Variants in SGCZ observed in about 807,000 individuals in gnomAD.
SGCZ encodes the protein zeta-sarcoglycan.
A neutral mutation model predicts 41.3 loss-of-function variants in SGCZ; 40 were observed. The ratio of observed to expected loss-of-function variants is 0.97; its 90% confidence interval spans 0.75 to 1.26. SGCZ has a LOEUF of 1.26. Ranked by LOEUF, SGCZ falls within the 50% of genes most tolerant of loss-of-function variation. The probability of loss-of-function intolerance (pLI) is 0.00; values close to 1 mark genes in which losing one functional copy is unlikely to be tolerated. For synonymous variants in SGCZ, 206 were observed against 137.5 expected, an observed-to-expected ratio of 1.50 and a Z score of -3.49; for missense variants, 552 against 369.8, an observed-to-expected ratio of 1.49 and a Z score of -4.04.
At chr8:14,291,821 T>C (rs1320977470) in intron 3 of SGCZ, among the ~76,000 whole-genome samples, 1 of 151,944 alleles carries the variant, frequency 6.6e-6, no homozygotes, top group Non-Finnish European at 1.5e-5. Context: ...TCAAAGTTGT[T>C]TTCTCATGAA....
intron 2 of SGCZ, among the ~76,000 whole-genome samples, chr8:14,407,720 T>C (rs1799249965): frequency 6.6e-6 from 1 of 152,134 alleles, no homozygotes; most frequent in South Asian, 2.1e-4. Flanking sequence ...AGATTCCCAT[T>C]TGTTGTGAAA....
At chr8:14,669,479 T>C (rs184291401) in intron 1 of SGCZ, among the ~76,000 whole-genome samples, 8 of 152,262 alleles carry the variant, frequency 5.3e-5, no homozygotes, top group Non-Finnish European at 7.4e-5. Context: ...CTACCCATTT[T>C]CCTTGCCCCT....
chr8:14,855,251 T>C (rs1342162391), intron 1 of SGCZ, among the ~76,000 whole-genome samples: 4 of 151,984 alleles, frequency 2.6e-5, no homozygotes, highest in African/African-American at 9.7e-5. Context: ...AATTTCACCA[T>C]GTTGGCCAGG....
At chr8:14,248,704 A>C (rs1380723955) in intron 3 of SGCZ, among the ~76,000 whole-genome samples, 1 of 152,042 alleles carries the variant, frequency 6.6e-6, no homozygotes, top group African/African-American at 2.4e-5. Context: ...TATTTTCCAC[A>C]GATATATTTT....
chr8:14,458,330 T>C (rs1180837184), intron 2 of SGCZ, among the ~76,000 whole-genome samples: 1 of 152,210 alleles, frequency 6.6e-6, no homozygotes, highest in African/African-American at 2.4e-5. Context: ...TACTTTTTAC[T>C]GGATATCATA....
chr8:14,913,780 T>A (rs983083507), intron 1 of SGCZ, among the ~76,000 whole-genome samples: 1 of 152,082 alleles, frequency 6.6e-6, no homozygotes, highest in Non-Finnish European at 1.5e-5. Flanking sequence ...CAAATCAATG[T>A]AGGAAAATGG....
intron 2 of SGCZ, among the ~76,000 whole-genome samples, chr8:14,474,682 C>A (rs1300544232): frequency 6.6e-6 from 1 of 152,186 alleles, no homozygotes; most frequent in African/African-American, 2.4e-5. Flanking sequence ...AAATTATCCT[C>A]CAAACAACTT....
chr8:14,926,557 G>C (rs1352453248), intron 1 of SGCZ, among the ~76,000 whole-genome samples: 1 of 151,852 alleles, frequency 6.6e-6, no homozygotes, highest in South Asian at 2.1e-4. Flanking sequence ...GATTTCTTGG[G>C]GTTATATATT....
intron 5 of SGCZ, among the ~76,000 whole-genome samples, chr8:14,115,878 A>G (rs1417753710): frequency 2.0e-5 from 3 of 151,940 alleles, no homozygotes; most frequent in African/African-American, 7.2e-5. Context: ...ACCACTATTT[A>G]GATTACTTTC....
At chr8:14,177,770 C>T (rs1292385094) in intron 4 of SGCZ, among the ~76,000 whole-genome samples, 3 of 146,798 alleles carry the variant, frequency 2.0e-5, no homozygotes, top group East Asian at 2.0e-4. Context: ...GTGATCCATT[C>T]GCCTCAGCCT....
intron 2 of SGCZ, among the ~76,000 whole-genome samples, chr8:14,516,078 G>T (rs746962794): frequency 6.6e-6 from 1 of 151,724 alleles, no homozygotes; most frequent in East Asian, 2.0e-4. Context: ...ATTTAAAAAT[G>T]GCACTTGGCA....
chr8:14,423,696 A>G (rs1334823332), intron 2 of SGCZ, among the ~76,000 whole-genome samples: 1 of 152,100 alleles, frequency 6.6e-6, no homozygotes, highest in Admixed American at 6.6e-5. Context: ...TTACAGGCGT[A>G]AGCCACTGTA....
At chr8:14,253,495 G>A (rs1001531545) in intron 3 of SGCZ, among the ~76,000 whole-genome samples, 2 of 152,032 alleles carry the variant, frequency 1.3e-5, no homozygotes, top group Admixed American at 1.3e-4. Flanking sequence ...CCTCAAAGCT[G>A]ACCCATTCTT....
chr8:14,749,721 T>G (rs946733553), intron 1 of SGCZ, among the ~76,000 whole-genome samples: 1 of 144,226 alleles, frequency 6.9e-6, no homozygotes, highest in Non-Finnish European at 1.5e-5. Context: ...ATGCAGTAAG[T>G]TTTTTTTTAA....
chr8:15,033,623 G>A (rs886534576), intron 1 of SGCZ, among the ~76,000 whole-genome samples: 9 of 151,986 alleles, frequency 5.9e-5, no homozygotes, highest in African/African-American at 9.7e-5. Flanking sequence ...CCACAGCATC[G>A]GGACAGTTCC....
At chr8:15,223,942 C>T (rs1051293123) in intron 1 of SGCZ, among the ~76,000 whole-genome samples, 49 of 152,106 alleles carry the variant, frequency 3.2e-4, no homozygotes, top group African/African-American at 1.2e-3. Flanking sequence ...GTAACCTCCA[C>T]CTCCTGGGTC....
intron 1 of SGCZ, among the ~76,000 whole-genome samples, chr8:14,895,159 G>A (rs569996977): frequency 6.6e-6 from 1 of 152,158 alleles, no homozygotes; most frequent in Non-Finnish European, 1.5e-5. Context: ...CGTTTAGTAA[G>A]TTAATAATTA....
chr8:14,509,841 G>C (rs558086707), intron 2 of SGCZ, among the ~76,000 whole-genome samples: 82 of 152,208 alleles, frequency 5.4e-4, no homozygotes, highest in Non-Finnish European at 9.7e-4. Context: ...AGAGAGAAGA[G>C]GGGCAAAGTG....
chr8:14,620,252 C>G lies in SGCZ; in HGVS notation c.40-65326G>C, dbSNP rs1180074933. 2.0e-5 allele frequency among the ~76,000 whole-genome samples: 3 copies of G among 152,120 alleles called. 1 individual carries two copies. Among genetic ancestry groups the G allele is most frequent in the East Asian group, 3.9e-4 (2 of 5,184 alleles). On this transcript the variant is annotated intron_variant, in intron 1 of 7. Transcript: ENST00000382080. ...GCTAGCCATATGTAGAAAGCTGAAA[C>G]TGGATCCCTTCCTTACACCTTATAC...
Sources: allele counts gnomAD v4.1 joint callset (sites outside exome capture counted in the v4.1 genomes callset), GRCh38; gene constraint gnomAD v4.1.1; transcripts MANE v1.5; gene names NCBI Gene and HGNC (gene_info 2026-07-23, HGNC 2026-07-21).